The following LRP1B variants were observed in gnomAD, a reference collection of about 807,000 sequenced individuals.
LRP1B encodes the protein low-density lipoprotein receptor-related protein 1B.
In LRP1B, 217 loss-of-function variants were observed where a neutral mutation model predicts 556.6. The ratio of observed to expected loss-of-function variants is 0.39; its 90% CI spans 0.35 to 0.44. LRP1B has a LOEUF of 0.44. LRP1B is among the 20% of genes least tolerant of loss of function. The probability of loss-of-function intolerance (pLI) is 1.00; values close to 1 mark genes in which losing one functional copy is unlikely to be tolerated. For synonymous variants in LRP1B, 2,047 were observed against 1,865.8 expected, an observed-to-expected ratio of 1.10 and a Z score of -2.50; for missense variants, 5,053 against 5,620.8, an observed-to-expected ratio of 0.90 and a Z score of 3.23.
At chr2:141,143,455 T>C (rs1206934538) in intron 7 of LRP1B, among the ~76,000 whole-genome samples, 1 of 152,174 alleles carries the variant, frequency 6.6e-6, no homozygotes, top group Non-Finnish European at 1.5e-5. Flanking sequence ...CTGGTTAATT[T>C]ATTTAATTAT....
chr2:141,969,737 T>C (rs1364748863), intron 1 of LRP1B, among the ~76,000 whole-genome samples: 1 of 151,706 alleles, frequency 6.6e-6, no homozygotes, highest in Admixed American at 6.6e-5. Context: ...TTCGACATAC[T>C]GATTTCAAAC....
At chr2:140,844,817 A>T (rs1022527327) in intron 29 of LRP1B, among the ~76,000 whole-genome samples, 8 of 152,218 alleles carry the variant, frequency 5.3e-5, no homozygotes, top group African/African-American at 1.9e-4. Flanking sequence ...GGAAAAACTC[A>T]ACATGCTAAC....
At chr2:140,967,239 T>C (rs1207773865) in intron 18 of LRP1B, among the ~76,000 whole-genome samples, 1 of 152,102 alleles carries the variant, frequency 6.6e-6, no homozygotes, top group Admixed American at 6.6e-5. Context: ...TTTGTAGTTC[T>C]CCTCAAAGGG....
chr2:141,545,835 G>C (rs1329853764), intron 2 of LRP1B, among the ~76,000 whole-genome samples: 2 of 152,250 alleles, frequency 1.3e-5, no homozygotes, highest in Non-Finnish European at 1.5e-5. Flanking sequence ...CCAAAAGCTA[G>C]AATAGGAAAG....
chr2:141,625,481 A>G (rs1688674477), intron 2 of LRP1B, among the ~76,000 whole-genome samples: 1 of 152,302 alleles, frequency 6.6e-6, no homozygotes, highest in South Asian at 2.1e-4. Flanking sequence ...TAATGTTTCT[A>G]AACAATCTTC....
intron 1 of LRP1B, among the ~76,000 whole-genome samples, chr2:142,033,150 T>A (rs1338230133): frequency 1.3e-5 from 2 of 151,860 alleles, no homozygotes; most frequent in African/African-American, 2.4e-5. Context: ...CATCTCCAGC[T>A]GCTAAGATGT....
At chr2:140,685,643 A>G (rs920609852) in intron 41 of LRP1B, among the ~76,000 whole-genome samples, 2 of 152,202 alleles carry the variant, frequency 1.3e-5, no homozygotes, top group African/African-American at 4.8e-5. Context: ...AACAAACAAT[A>G]TCAGTCAAAG....
intron 3 of LRP1B, among the ~76,000 whole-genome samples, chr2:141,332,503 T>A (rs536159418): frequency 2.4e-4 from 36 of 152,130 alleles, no homozygotes; most frequent in Admixed American, 4.6e-4. Flanking sequence ...CTGACTTTTT[T>A]AAAAAATAAA....
chr2:140,442,978 G>T (rs1005946259), intron 65 of LRP1B, among the ~76,000 whole-genome samples: 5 of 152,050 alleles, frequency 3.3e-5, no homozygotes, highest in African/African-American at 9.7e-5. Flanking sequence ...ATACATTTTT[G>T]TAAACTGAAA....
At chr2:141,273,414 C>A (rs1307660175) in intron 3 of LRP1B, among the ~76,000 whole-genome samples, 2 of 152,068 alleles carry the variant, frequency 1.3e-5, no homozygotes, top group African/African-American at 4.8e-5. Context: ...ATTGAGAATC[C>A]AGAAATAAAC....
chr2:141,058,758 G>A (rs925870569), intron 9 of LRP1B, 125 bp downstream of exon 9: 2 of 624,328 alleles, frequency 3.2e-6, no homozygotes, highest in African/African-American at 3.9e-5. Flanking sequence ...AAGCAGACAT[G>A]CCTACTTTTG....
At chr2:141,295,746 AAC>A (rs376812743) in intron 3 of LRP1B, among the ~76,000 whole-genome samples, 16,439 of 130,446 alleles carry the variant, frequency 0.13, 1,035 homozygotes, top group Admixed American at 0.21. Flanking sequence ...TGAGGAGAGA[AAC>A]ACACACACAC....
chr2:141,342,253 A>T (rs529980022), intron 3 of LRP1B, among the ~76,000 whole-genome samples: 9,457 of 138,496 alleles, frequency 0.068, 974 homozygotes, highest in African/African-American at 0.23. Flanking sequence ...CAAAAAAAAA[A>T]AAAATAAAAT....
rs546956000 is a variant in LRP1B, at chr2:140,793,956, C to A, written c.5360-17718G>T. On this transcript the variant is annotated intron_variant, in intron 32 of 90. Transcript: ENST00000389484. ...ATAAAATAAACAAAAACATACCTGG[C>A]CATTTTTTAAAAACTCTGAAAGAAC... Among the ~76,000 whole-genome samples, 18 of 152,004 alleles carry A rather than the reference C, an allele frequency of 1.2e-4. No individual in the cohort carries two copies. The East Asian group carries it at 3.5e-3, about 29-fold the overall frequency.
At chr2:141,760,609 CTT>C (rs1250893410) in intron 2 of LRP1B, among the ~76,000 whole-genome samples, 3 of 152,162 alleles carry the variant, frequency 2.0e-5, no homozygotes, top group Non-Finnish European at 2.9e-5. Context: ...GGACTATACA[CTT>C]AACAAAAGAA....
chr2:141,362,793 G>A (rs1317649906), intron 3 of LRP1B, among the ~76,000 whole-genome samples: 5 of 146,398 alleles, frequency 3.4e-5, no homozygotes, highest in East Asian at 2.0e-4. Context: ...CTTCTAAAAA[G>A]TAAAAGCATT....
At chr2:140,246,695 T>C (rs1369764715) in intron 87 of LRP1B, among the ~76,000 whole-genome samples, 2 of 151,522 alleles carry the variant, frequency 1.3e-5, no homozygotes, top group African/African-American at 4.8e-5. Flanking sequence ...CCAAGACACA[T>C]TGAAATGCAT....
chr2:140,668,682 T>C (rs1013596104), intron 41 of LRP1B, among the ~76,000 whole-genome samples: 5 of 151,636 alleles, frequency 3.3e-5, no homozygotes, highest in African/African-American at 1.2e-4. Context: ...TAAACCTACA[T>C]CAGAATTTCT....
intron 16 of LRP1B, among the ~76,000 whole-genome samples, chr2:140,993,787 G>A (rs963509698): frequency 3.3e-5 from 5 of 152,022 alleles, no homozygotes. Context: ...ATAATATGAA[G>A]GATGGAAAAG....
Sources: allele counts gnomAD v4.1 joint callset (sites outside exome capture counted in the v4.1 genomes callset), GRCh38; gene constraint gnomAD v4.1.1; transcripts MANE v1.5; gene names NCBI Gene and HGNC (gene_info 2026-07-23, HGNC 2026-07-21).